Variants in MAGI1 observed in about 807,000 individuals in gnomAD.
MAGI1 encodes the protein membrane associated guanylate kinase, WW and PDZ domain containing 1, also known as membrane-associated guanylate kinase, WW and PDZ domain-containing protein 1.
Under a neutral mutation model 139.9 loss-of-function variants are expected in MAGI1, and 58 were observed. That is an observed-to-expected ratio of 0.41 (90% CI 0.34 to 0.52). The LOEUF (loss-of-function observed/expected upper bound fraction) is 0.52, where lower values mean the gene tolerates loss of function less well. Ranked by LOEUF, MAGI1 falls within the 20% of genes least tolerant of loss-of-function variation. The pLI, the probability that MAGI1 is intolerant of heterozygous loss-of-function variation, is 0.12. For synonymous variants in MAGI1, 812 were observed against 737.9 expected, an observed-to-expected ratio of 1.10 and a Z score of -1.63; for missense variants, 1,874 against 1,901.6, an observed-to-expected ratio of 0.99 and a Z score of 0.27.
intron 2 of MAGI1, among the ~76,000 whole-genome samples, chr3:65,558,234 A>G (rs77302634): frequency 0.01 from 1,538 of 152,228 alleles, 30 homozygotes; most frequent in African/African-American, 0.035. Flanking sequence ...AAACGTTTCC[A>G]TTTTTAATTG....
chr3:65,566,739 G>A (rs1473396323), intron 2 of MAGI1, among the ~76,000 whole-genome samples: 1 of 152,064 alleles, frequency 6.6e-6, no homozygotes, highest in Admixed American at 6.6e-5. Context: ...TTTTTAAATG[G>A]CATTGCTTCT....
At chr3:65,854,340 A>G (rs2059304218) in intron 1 of MAGI1, among the ~76,000 whole-genome samples, 1 of 152,164 alleles carries the variant, frequency 6.6e-6, no homozygotes, top group South Asian at 2.1e-4. Context: ...ACATGAGTAC[A>G]TGCAATACAC....
intron 1 of MAGI1, among the ~76,000 whole-genome samples, chr3:65,826,744 T>C (rs1232416701): frequency 6.6e-6 from 1 of 151,628 alleles, no homozygotes; most frequent in East Asian, 1.9e-4. Flanking sequence ...ATGCTAACCA[T>C]CTCAGATCCT....
intron 1 of MAGI1, among the ~76,000 whole-genome samples, chr3:65,843,197 C>T (rs769799335): frequency 2.8e-4 from 42 of 152,192 alleles, no homozygotes; most frequent in Non-Finnish European, 7.3e-5. Context: ...TAGGTGATCT[C>T]TCATTATCTC....
chr3:65,660,155 TG>T (rs1483006694), intron 1 of MAGI1, among the ~76,000 whole-genome samples: 2 of 152,228 alleles, frequency 1.3e-5, no homozygotes, highest in African/African-American at 4.8e-5. Flanking sequence ...AAGTTCATTG[TG>T]GTGAACTTTT....
Position 65,356,647 on chromosome 3 carries a change from G to A in MAGI1, c.4120C>T (p.Leu1374=), listed in dbSNP as rs1315186144. The A allele has an allele frequency of 6.3e-7, 1 of 1,586,918 alleles. No homozygotes were observed. The change falls in exon 23 of 23, where the codon CTG becomes TTG. Residue 1374 remains leucine (L), a synonymous_variant. Coordinates refer to ENST00000402939, the MANE Select transcript of MAGI1 (RefSeq NM_001033057.2). ...DGSPSRRRRS[L]ERLLEQRRSP... ...CTCCTCTGCTCCAGGAGTCTCTCCA[G>A]AGACCGTCTCCGCCGGCTGGGGGAG... is the stretch of plus-strand genomic sequence containing the variant.
At chr3:65,859,794 A>C (rs1297652402) in intron 1 of MAGI1, among the ~76,000 whole-genome samples, 2 of 151,984 alleles carry the variant, frequency 1.3e-5, no homozygotes, top group African/African-American at 4.8e-5. Flanking sequence ...TGAAAACAGG[A>C]GATTCCAGTC....
intron 4 of MAGI1, among the ~76,000 whole-genome samples, chr3:65,473,989 G>A (rs191738403): frequency 6.6e-6 from 1 of 152,244 alleles, no homozygotes; most frequent in African/African-American, 2.4e-5. Flanking sequence ...TCTTTTGTTG[G>A]GCATGGTGGC....
chr3:65,804,233 T>A (rs2040696716), intron 1 of MAGI1, among the ~76,000 whole-genome samples: 1 of 150,020 alleles, frequency 6.7e-6, no homozygotes. Flanking sequence ...TCTAAAGAAT[T>A]AACCATTTTG....
At chr3:65,563,793 G>A (rs1368614709) in intron 2 of MAGI1, among the ~76,000 whole-genome samples, 2 of 152,162 alleles carry the variant, frequency 1.3e-5, no homozygotes, top group Non-Finnish European at 2.9e-5. Context: ...TAGTTACTAG[G>A]AGTTGTTACA....
chr3:65,751,403 C>T (rs2036141241), intron 1 of MAGI1, among the ~76,000 whole-genome samples: 1 of 152,196 alleles, frequency 6.6e-6, no homozygotes, highest in Non-Finnish European at 1.5e-5. Context: ...AAAGAGCACA[C>T]AGTGTCTCTC....
intron 1 of MAGI1, among the ~76,000 whole-genome samples, chr3:65,837,270 C>T (rs1021775193): frequency 2.0e-5 from 3 of 152,210 alleles, no homozygotes; most frequent in Non-Finnish European, 4.4e-5. Context: ...GCGCTGCCCA[C>T]CTCCATCAGG....
At chr3:65,481,040 G>A (rs184802565) in intron 3 of MAGI1, among the ~76,000 whole-genome samples, 24 of 152,214 alleles carry the variant, frequency 1.6e-4, no homozygotes, top group African/African-American at 5.5e-4. Context: ...TTTTTTAAAT[G>A]CAGTACATGA....
chr3:65,510,263 G>C (rs1033208254), intron 2 of MAGI1, among the ~76,000 whole-genome samples: 15 of 152,200 alleles, frequency 9.9e-5, no homozygotes, highest in East Asian at 1.9e-4. Flanking sequence ...TCCTCCAAAG[G>C]AACGCAGTTC....
At chr3:65,464,467 T>C (rs903541207) in intron 5 of MAGI1, among the ~76,000 whole-genome samples, 2 of 152,168 alleles carry the variant, frequency 1.3e-5, no homozygotes, top group Admixed American at 6.5e-5. Context: ...TTTATTTGCT[T>C]ATCTTTAATT....
At chr3:65,812,556 C>G (rs562998606) in intron 1 of MAGI1, among the ~76,000 whole-genome samples, 1 of 151,262 alleles carries the variant, frequency 6.6e-6, no homozygotes, top group African/African-American at 2.4e-5. Context: ...TCAAGTTTGG[C>G]AGAACTACAA....
At chr3:65,861,712 G>A (rs2059562508) in intron 1 of MAGI1, among the ~76,000 whole-genome samples, 1 of 151,990 alleles carries the variant, frequency 6.6e-6, no homozygotes, top group African/African-American at 2.4e-5. Flanking sequence ...GAGGGAAGGG[G>A]CGCCGTGAAA....
intron 1 of MAGI1, among the ~76,000 whole-genome samples, chr3:65,796,050 CA>C (rs35663778): frequency 0.12 from 11,934 of 102,990 alleles, 527 homozygotes; most frequent in African/African-American, 0.19. Flanking sequence ...GACTCTGTCT[CA>C]AAAAAAAAAA....
chr3:65,373,579 C>T (rs1288452422), intron 18 of MAGI1, among the ~76,000 whole-genome samples: 1 of 152,134 alleles, frequency 6.6e-6, no homozygotes, highest in Admixed American at 6.5e-5. Context: ...AAATGAAGTA[C>T]CTGCAAAGCG....
Sources: gnomAD v4.1 joint callset for allele counts (sites outside exome capture counted in the v4.1 genomes callset) on GRCh38, gnomAD v4.1.1 for gene constraint, MANE v1.5 for transcripts, NCBI Gene and HGNC (gene_info 2026-07-23, HGNC 2026-07-21) for gene names.